Variants in SLC30A10 observed in about 807,000 individuals in gnomAD.
The protein encoded by SLC30A10 is calcium/manganese antiporter SLC30A10.
A neutral mutation model predicts 21.7 loss-of-function variants in SLC30A10; 8 were observed. The ratio of observed to expected loss-of-function variants is 0.37; its 90% CI spans 0.22 to 0.67. SLC30A10 has a LOEUF of 0.67. Among genes scored for constraint, SLC30A10 ranks in the 30% least tolerant of loss-of-function variants. SLC30A10 has a pLI of 0.58. For missense variants in SLC30A10, 521 were observed against 642.5 expected (o/e 0.81, Z 2.04); for synonymous variants, 272 against 279.4 (o/e 0.97, Z 0.26).
rs1452136554 is a variant in SLC30A10, at chr1:219,911,425, A to G, written c.*4024T>C. On this transcript the variant is annotated 3_prime_UTR_variant, in exon 4 of 4. Coordinates refer to ENST00000366926, the MANE Select transcript of SLC30A10 (RefSeq NM_018713.3). ...TTTTAAATATGAAGGAGATTTAAAC[A>G]TCTCAACCCCATGAATCAATTGTGC... Among the ~76,000 whole-genome samples the G allele has an allele frequency of 1.3e-5, 2 of 152,116 alleles. No homozygotes were observed. The highest frequency in any genetic ancestry group is 1.9e-4 in the East Asian group (1 of 5,184).
At chr1:219,931,081 C>G (rs756832868), upstream of SLC30A10, among the ~76,000 whole-genome samples, 6 of 152,164 alleles carry the variant, frequency 3.9e-5, no homozygotes, top group Non-Finnish European at 8.8e-5. Flanking sequence ...GCAAAACAGT[C>G]AAAATAAGTG....
intron 2 of SLC30A10, among the ~76,000 whole-genome samples, chr1:219,923,697 T>C (rs1017710661): frequency 3.3e-5 from 5 of 152,342 alleles, no homozygotes; most frequent in East Asian, 3.9e-4. Context: ...ACAAAGCACA[T>C]TGATGAGCAT....
In SLC30A10 at chr1:219,937,454, G is replaced by T. The variant is rs571452329; in HGVS notation, n.81-10349C>A. ...CTTTCTACATCAGGAAACACCTAGT[G>T]TGTATATTATGCTGCATGTCTGCTC... On this transcript the variant is annotated intron_variant and non_coding_transcript_variant, in intron 1 of 8. Transcript: ENST00000484239. Among the ~76,000 whole-genome samples the T allele has an allele frequency of 8.6e-4, 131 of 152,320 alleles. 2 individuals are homozygous for T. In the South Asian group the frequency reaches 0.022, roughly 26 times the overall value.
chr1:219,955,978 T>C (rs1235915051), intron 1 of SLC30A10, among the ~76,000 whole-genome samples: 3 of 152,176 alleles, frequency 2.0e-5, no homozygotes, highest in Non-Finnish European at 2.9e-5. Context: ...TGATATCAGG[T>C]TAATGTCAAT....
At chr1:219,928,821 T>C (rs1205285006), upstream of SLC30A10, among the ~76,000 whole-genome samples, 1 of 152,226 alleles carries the variant, frequency 6.6e-6, no homozygotes, top group East Asian at 1.9e-4. This position sits in a 1 kb window ranked among gnomAD's most constrained non-coding sequence, Gnocchi z 6.3. Context: ...CTTCACAGAC[T>C]CCCTCCCCAT....
chr1:219,944,883 T>C (rs549160034), intron 1 of SLC30A10, among the ~76,000 whole-genome samples: 5 of 152,306 alleles, frequency 3.3e-5, no homozygotes, highest in African/African-American at 9.6e-5. Flanking sequence ...CAACCTTCAA[T>C]AATTGCGTAA....
chr1:219,938,262 C>T (rs938758452), intron 1 of SLC30A10, among the ~76,000 whole-genome samples: 2 of 152,276 alleles, frequency 1.3e-5, no homozygotes, highest in South Asian at 2.1e-4. Context: ...CACAATGGAG[C>T]TGCCCAGTGC....
chr1:219,940,565 G>A (rs575332206), intron 1 of SLC30A10, among the ~76,000 whole-genome samples: 73 of 152,322 alleles, frequency 4.8e-4, no homozygotes, highest in Middle Eastern at 3.4e-3. Context: ...TTGGGAAGCC[G>A]TACAAAGGGT....
intron 2 of SLC30A10, among the ~76,000 whole-genome samples, chr1:219,920,409 A>T (rs1398739735): frequency 6.6e-6 from 1 of 152,176 alleles, no homozygotes; most frequent in Non-Finnish European, 1.5e-5. Context: ...ATGTGATGTC[A>T]TGTTTACTGC....
chr1:219,953,871 T>A (rs550296082), intron 1 of SLC30A10, among the ~76,000 whole-genome samples: 1 of 150,494 alleles, frequency 6.6e-6, no homozygotes, highest in South Asian at 2.1e-4. Context: ...CACGCCCGGC[T>A]AATTTTTTGT....
At position 219,912,910 on chromosome 1, in the gene SLC30A10, A is replaced by T. The variant is rs73097940; in HGVS notation, c.*2539T>A. Among the ~76,000 whole-genome samples the T allele has an allele frequency of 0.037, 5,675 of 152,222 alleles. 375 individuals are homozygous for T. Among genetic ancestry groups the T allele is most frequent in the African/African-American group, 0.13 (5,401 of 41,500 alleles). ...AGGCGGGGAGGAGGGGATTTTCTGT[A>T]AATAACCTAAGTATACAGGAGCACC... On this transcript the variant is annotated 3_prime_UTR_variant, in exon 4 of 4. Transcript: ENST00000366926.
At position 219,915,853 on chromosome 1, in the gene SLC30A10, T is replaced by G; in HGVS notation, c.1054A>C (p.Lys352Gln). Residue 352 changes from lysine (K) to glutamine (Q), a missense_variant, in exon 4 of 4, where the codon AAG (lysine) becomes CAG (glutamine). Physicochemically the swap from Lys to Gln is moderately conservative, Grantham distance 53. Coordinates refer to ENST00000366926, the MANE Select transcript of SLC30A10 (RefSeq NM_018713.3). ...SGKIIATLHI[K>Q]YPKDRGYQDA... ...TGATATCCCCTGTCCTTAGGATACT[T>G]GATGTGCAGGGTGGCAATAATCTTT... 1 of 1,614,238 alleles carries G rather than the reference T, an allele frequency of 6.2e-7. No individual in the cohort carries two copies. Among genetic ancestry groups the G allele is most frequent in the Non-Finnish European group, 8.5e-7 (1 of 1,180,050 alleles).
At chr1:219,956,664 A>C (rs200318813) in intron 1 of SLC30A10, among the ~76,000 whole-genome samples, 1 of 41,044 alleles carries the variant, frequency 2.4e-5, no homozygotes, top group Admixed American at 2.1e-4. Context: ...AATAAAAATT[A>C]AAAAAAAAAA....
chr1:219,916,731 C>T (rs929838263), intron 3 of SLC30A10, among the ~76,000 whole-genome samples: 7 of 152,124 alleles, frequency 4.6e-5, no homozygotes, highest in Non-Finnish European at 1.0e-4. Context: ...AAAGGCTTTG[C>T]AGTCAGCTAG....
intron 1 of SLC30A10, among the ~76,000 whole-genome samples, chr1:219,941,669 C>A (rs1451436807): frequency 2.0e-5 from 3 of 150,036 alleles, no homozygotes; most frequent in Non-Finnish European, 4.4e-5. Context: ...TCCTTTCCTT[C>A]CTCCCTTCCT....
intron 1 of SLC30A10, among the ~76,000 whole-genome samples, chr1:219,957,760 A>C (rs992863173): frequency 6.6e-6 from 1 of 152,194 alleles, no homozygotes; most frequent in African/African-American, 2.4e-5. Flanking sequence ...TTTCTGATAC[A>C]TATATACTTA....
intron 1 of SLC30A10, among the ~76,000 whole-genome samples, chr1:219,951,178 C>G (rs1325574221): frequency 2.0e-5 from 3 of 151,866 alleles, no homozygotes; most frequent in Admixed American, 2.0e-4. Context: ...CGAGGCTGGT[C>G]TCAAACTCCT....
intron 1 of SLC30A10, among the ~76,000 whole-genome samples, chr1:219,951,580 G>C (rs1660271840): frequency 6.6e-6 from 1 of 151,824 alleles, no homozygotes; most frequent in Non-Finnish European, 1.5e-5. Flanking sequence ...AATTAGCCGG[G>C]TGTGGTGGCG....
chr1:219,926,912 G>A (rs1659839233), intron 2 of SLC30A10, 116 bp downstream of exon 2: 2 of 752,192 alleles, frequency 2.7e-6, no homozygotes, highest in Non-Finnish European at 4.5e-6. Context: ...GTCTATGCAT[G>A]TAACTGGCCT....
Sources: allele counts gnomAD v4.1 joint callset (sites outside exome capture counted in the v4.1 genomes callset), GRCh38; gene constraint gnomAD v4.1.1; non-coding constraint Gnocchi (gnomAD v3.1); transcripts MANE v1.5; gene names NCBI Gene and HGNC (gene_info 2026-07-23, HGNC 2026-07-21).